EIF3H: variants seen among roughly 807,000 people sequenced by gnomAD.
EIF3H encodes the protein eIF-3-gamma.
Under a neutral mutation model 44.2 loss-of-function variants are expected in EIF3H, and 26 were observed. The observed-to-expected ratio is 0.59, with a 90% CI of 0.43 to 0.82. EIF3H has a LOEUF of 0.82. Among genes scored for constraint, EIF3H ranks in the 40% least tolerant of loss-of-function variants. EIF3H has a pLI of 0.00. For missense variants in EIF3H, 359 were observed against 432.8 expected (o/e 0.83, Z 1.51); for synonymous variants, 166 against 151.9 (o/e 1.09, Z -0.68).
At chr8:116,761,689 A>C (rs766983569) in intron 1 of EIF3H, among the ~76,000 whole-genome samples, 10 of 152,228 alleles carry the variant, frequency 6.6e-5, no homozygotes, top group Non-Finnish European at 1.5e-4. Context: ...CTGATAACTG[A>C]TGATGGGCAC....
At chr8:116,723,103 A>T (rs1023220336) in intron 2 of EIF3H, among the ~76,000 whole-genome samples, 7 of 152,182 alleles carry the variant, frequency 4.6e-5, no homozygotes, top group Admixed American at 4.6e-4. Flanking sequence ...AATATGATTT[A>T]AAAAATTAAT....
intron 2 of EIF3H, among the ~76,000 whole-genome samples, chr8:116,687,965 A>G (rs12543571): frequency 3.9e-5 from 6 of 152,144 alleles, no homozygotes; most frequent in Admixed American, 6.5e-5. Flanking sequence ...AATATTGACC[A>G]CAGCTTAAGT....
chr8:116,668,217 A>G (rs1232515519), intron 2 of EIF3H, among the ~76,000 whole-genome samples: 1 of 152,240 alleles, frequency 6.6e-6, no homozygotes, highest in Non-Finnish European at 1.5e-5. Context: ...AATGCTCATG[A>G]GGTGCTAAGA....
rs755197292 is a variant in EIF3H, at chr8:116,644,984, C to A, written c.*22G>T. 2.5e-5 allele frequency: 40 copies of A among 1,593,276 alleles called. No homozygotes were observed. Among genetic ancestry groups the A allele is most frequent in the Non-Finnish European group, 3.3e-5 (38 of 1,162,008 alleles). Reference sequence around the variant, plus strand: ...TGACTTCAAGAGTTCATGTTAACTTCTTTTCTGGAAACTTCCTTTTCTTAG... The same window carrying A: ...TGACTTCAAGAGTTCATGTTAACTTATTTTCTGGAAACTTCCTTTTCTTAG... On this transcript the variant is annotated 3_prime_UTR_variant, in exon 8 of 8. Coordinates refer to ENST00000521861, the MANE Select transcript of EIF3H (RefSeq NM_003756.3).
At chr8:116,681,334 C>A (rs904205165) in intron 2 of EIF3H, among the ~76,000 whole-genome samples, 2 of 152,068 alleles carry the variant, frequency 1.3e-5, no homozygotes, top group Non-Finnish European at 2.9e-5. Context: ...TACACTCCAG[C>A]CTGCGTAATA....
At chr8:116,660,457 G>T (rs1403732282) in intron 2 of EIF3H, among the ~76,000 whole-genome samples, 1 of 152,116 alleles carries the variant, frequency 6.6e-6, no homozygotes, top group Non-Finnish European at 1.5e-5. Context: ...TTATTCCAAG[G>T]AAGGTTACAG....
At chr8:116,677,933 T>C (rs1813876267) in intron 2 of EIF3H, among the ~76,000 whole-genome samples, 1 of 152,258 alleles carries the variant, frequency 6.6e-6, no homozygotes. Context: ...CTAACAGGTC[T>C]GATGACAGGA....
intron 1 of EIF3H, among the ~76,000 whole-genome samples, chr8:116,749,923 C>CAAAA (rs1274009237): frequency 6.6e-6 from 1 of 152,272 alleles, no homozygotes; most frequent in Non-Finnish European, 1.5e-5. Flanking sequence ...AGGAAGGGTT[C>CAAAA]AAAAATACAA....
chr8:116,744,104 G>A (rs1586490187), intron 1 of EIF3H, among the ~76,000 whole-genome samples: 1 of 151,624 alleles, frequency 6.6e-6, no homozygotes, highest in Admixed American at 6.6e-5. Flanking sequence ...TCAAGAAATA[G>A]TCAAAGACGA....
intron 5 of EIF3H, among the ~76,000 whole-genome samples, chr8:116,651,246 T>C (rs202070257): frequency 2.4e-5 from 3 of 123,290 alleles, no homozygotes; most frequent in Non-Finnish European, 3.8e-5. Context: ...TGGCAGAGCA[T>C]AGAGAAAAGT....
intron 1 of EIF3H, 60 bp downstream of exon 1, chr8:116,755,606 T>C: frequency 6.2e-7 from 1 of 1,605,684 alleles, no homozygotes. Context: ...GTACGTCTGG[T>C]GGGACGGGGC....
chr8:116,733,352 C>T (rs1323371548), intron 1 of EIF3H, among the ~76,000 whole-genome samples: 2 of 152,198 alleles, frequency 1.3e-5, no homozygotes, highest in Non-Finnish European at 2.9e-5. Context: ...AGCCCACCTA[C>T]CCTCTTTCCC....
At chr8:116,746,634 T>C (rs1319276713) in intron 1 of EIF3H, among the ~76,000 whole-genome samples, 1 of 152,246 alleles carries the variant, frequency 6.6e-6, no homozygotes, top group African/African-American at 2.4e-5. Flanking sequence ...GAATCACATG[T>C]ATAATCCAGA....
At chr8:116,707,450 T>C (rs1814489733) in intron 2 of EIF3H, among the ~76,000 whole-genome samples, 8 of 152,168 alleles carry the variant, frequency 5.3e-5, no homozygotes, top group Admixed American at 5.2e-4. Flanking sequence ...ACAGAACAGG[T>C]GCTTTTTACA....
upstream of EIF3H, among the ~76,000 whole-genome samples, chr8:116,756,776 C>A (rs1815457014): frequency 6.6e-6 from 1 of 152,198 alleles, no homozygotes; most frequent in African/African-American, 2.4e-5. Flanking sequence ...AATATCCACT[C>A]ATTTCAAGTG....
At chr8:116,695,151 C>T (rs1191936316) in intron 2 of EIF3H, among the ~76,000 whole-genome samples, 9 of 151,348 alleles carry the variant, frequency 5.9e-5, no homozygotes, top group South Asian at 2.1e-4. Context: ...TCACTACAAC[C>T]TCCACCACCA....
At chr8:116,698,591 T>C (rs1363853873) in intron 2 of EIF3H, among the ~76,000 whole-genome samples, 2 of 152,240 alleles carry the variant, frequency 1.3e-5, no homozygotes, top group African/African-American at 4.8e-5. Flanking sequence ...CATGTTATGC[T>C]GTAGATATCA....
chr8:116,745,959 A>T (rs113874450), intron 1 of EIF3H, among the ~76,000 whole-genome samples: 128 of 152,152 alleles, frequency 8.4e-4, no homozygotes, highest in African/African-American at 2.8e-3. Context: ...ATGGACTTAG[A>T]ATTACCACCC....
intron 2 of EIF3H, among the ~76,000 whole-genome samples, chr8:116,722,755 T>TA (rs1364166098): frequency 2.6e-5 from 4 of 152,114 alleles, no homozygotes; most frequent in Non-Finnish European, 5.9e-5. Context: ...TCATTTTTTT[T>TA]AAAAAATCTA....
Sources: allele counts gnomAD v4.1 joint callset (sites outside exome capture counted in the v4.1 genomes callset), GRCh38; gene constraint gnomAD v4.1.1; transcripts MANE v1.5; gene names NCBI Gene and HGNC (gene_info 2026-07-23, HGNC 2026-07-21).